The following PCCA variants were observed in gnomAD, a reference collection of about 807,000 sequenced individuals.
PCCA encodes propionyl-CoA carboxylase alpha chain, mitochondrial.
A neutral mutation model predicts 101.3 loss-of-function variants in PCCA; 74 were observed. That is an observed-to-expected ratio of 0.73 (90% CI 0.61 to 0.89). PCCA has a LOEUF of 0.89. Ranked by LOEUF, PCCA falls within the 40% of genes least tolerant of loss-of-function variation. The probability of loss-of-function intolerance (pLI) is 0.00; values close to 1 mark genes in which losing one functional copy is unlikely to be tolerated. For missense variants in PCCA, 891 were observed against 907.0 expected, an observed-to-expected ratio of 0.98 and a Z score of 0.23; for synonymous variants, 294 against 313.6, an observed-to-expected ratio of 0.94 and a Z score of 0.66.
At chr13:100,505,885 C>T (rs920769467) in intron 21 of PCCA, among the ~76,000 whole-genome samples, 1 of 150,566 alleles carries the variant, frequency 6.6e-6, no homozygotes, top group African/African-American at 2.4e-5. Context: ...AAAAATCCAC[C>T]ACTCTTTCAT....
intron 6 of PCCA, among the ~76,000 whole-genome samples, chr13:100,171,803 T>TCTTTG (rs1483274715): frequency 1.3e-5 from 2 of 151,912 alleles, no homozygotes; most frequent in African/African-American, 4.8e-5. Context: ...GAAGCCAAGG[T>TCTTTG]GGACAGATCA....
At chr13:100,164,938 A>G (rs1038001628) in intron 6 of PCCA, among the ~76,000 whole-genome samples, 3 of 152,126 alleles carry the variant, frequency 2.0e-5, no homozygotes, top group Non-Finnish European at 4.4e-5. Context: ...GTGGAATCAT[A>G]TAAGATTTGT....
chr13:100,380,012 A>G (rs1306192502), intron 19 of PCCA, among the ~76,000 whole-genome samples: 2 of 151,860 alleles, frequency 1.3e-5, no homozygotes, highest in African/African-American at 2.4e-5. Flanking sequence ...TAAGGGACCC[A>G]GAATAGCCAA....
intron 21 of PCCA, among the ~76,000 whole-genome samples, chr13:100,476,152 G>A (rs1368465745): frequency 6.6e-6 from 1 of 152,068 alleles, no homozygotes; most frequent in African/African-American, 2.4e-5. Flanking sequence ...TATAAGGAGA[G>A]GAAAAAAGAA....
intron 8 of PCCA, among the ~76,000 whole-genome samples, chr13:100,241,952 A>G (rs7987388): frequency 0.024 from 3,712 of 152,268 alleles, 163 homozygotes; most frequent in African/African-American, 0.085. Context: ...TTTTGGAGAT[A>G]CTAGCAAATT....
chr13:100,451,398 A>G (rs1194815092), intron 21 of PCCA, among the ~76,000 whole-genome samples: 2 of 152,186 alleles, frequency 1.3e-5, no homozygotes, highest in African/African-American at 4.8e-5. Context: ...TCATGCAATA[A>G]TAGATCTTGG....
intron 16 of PCCA, among the ~76,000 whole-genome samples, chr13:100,313,453 A>G (rs573019472): frequency 1.4e-4 from 21 of 152,320 alleles, no homozygotes; most frequent in African/African-American, 4.3e-4. Context: ...GCAGGGGGCC[A>G]GGGAGTGAGG....
chr13:100,502,567 A>G (rs928503508), intron 21 of PCCA, among the ~76,000 whole-genome samples: 16 of 152,236 alleles, frequency 1.1e-4, no homozygotes, highest in African/African-American at 3.6e-4. Context: ...TTAGACAGCT[A>G]TCATTTACAA....
chr13:100,345,824 C>T (rs2072116088), intron 18 of PCCA, among the ~76,000 whole-genome samples: 1 of 152,100 alleles, frequency 6.6e-6, no homozygotes, highest in South Asian at 2.1e-4. Context: ...AGCCAGTGCT[C>T]ATTTACCATT....
At chr13:100,198,202 C>T (rs957346707) in intron 6 of PCCA, 2 of 152,232 alleles carry the variant, frequency 1.3e-5, no homozygotes, top group African/African-American at 4.8e-5. Flanking sequence ...CTTTACAGAG[C>T]CGGTCTCCAT....
chr13:100,264,041 TATCTGTATATCGTATATATAC>T (rs1484059281), intron 10 of PCCA, among the ~76,000 whole-genome samples: 20 of 148,336 alleles, frequency 1.3e-4, no homozygotes, highest in Admixed American at 6.1e-4. Context: ...ATATATACGG[TATCTGTATATCGTATATATAC>T]GGTATCTGTA....
chr13:100,110,135 A>AAAAC (rs144754073), intron 2 of PCCA, among the ~76,000 whole-genome samples: 6 of 152,120 alleles, frequency 3.9e-5, no homozygotes, highest in Non-Finnish European at 5.9e-5. Flanking sequence ...TCCATCTCAA[A>AAAAC]AAACAAACAA....
At chr13:100,438,504 A>G (rs1248368860) in intron 20 of PCCA, among the ~76,000 whole-genome samples, 1 of 151,960 alleles carries the variant, frequency 6.6e-6, no homozygotes, top group East Asian at 1.9e-4. Context: ...TTCTGATTTT[A>G]TTTACTGTTT....
chr13:100,311,966 A>C (rs746006381), intron 16 of PCCA, among the ~76,000 whole-genome samples: 5 of 152,228 alleles, frequency 3.3e-5, no homozygotes, highest in Non-Finnish European at 7.3e-5. Flanking sequence ...CTGTAAAATT[A>C]AAGTATTAAT....
At chr13:100,142,491 T>C (rs2052002607) in intron 4 of PCCA, among the ~76,000 whole-genome samples, 1 of 151,582 alleles carries the variant, frequency 6.6e-6, no homozygotes, top group Admixed American at 6.6e-5. Flanking sequence ...TTTTTTTTTT[T>C]TGAGATGGAG....
At chr13:100,421,321 C>T (rs1427491666) in intron 19 of PCCA, among the ~76,000 whole-genome samples, 2 of 152,118 alleles carry the variant, frequency 1.3e-5, no homozygotes, top group African/African-American at 2.4e-5. Flanking sequence ...GCTATTCTGT[C>T]GCTCTTAAGC....
At chr13:100,382,198 C>G (rs1349556618) in intron 19 of PCCA, among the ~76,000 whole-genome samples, 5 of 151,976 alleles carry the variant, frequency 3.3e-5, no homozygotes, top group Admixed American at 3.3e-4. Context: ...ATTTTATTGC[C>G]GATGAAAGTG....
intron 19 of PCCA, among the ~76,000 whole-genome samples, chr13:100,411,171 A>G (rs2078028056): frequency 6.6e-6 from 1 of 151,916 alleles, no homozygotes; most frequent in Non-Finnish European, 1.5e-5. Flanking sequence ...GGCAGAAACC[A>G]TCTTAACCAG....
intron 4 of PCCA, among the ~76,000 whole-genome samples, chr13:100,130,445 T>C (rs569441447): frequency 1.3e-5 from 2 of 152,366 alleles, no homozygotes; most frequent in East Asian, 3.9e-4. Flanking sequence ...CTCAGATAAA[T>C]AGATATAAAT....
Sources: gnomAD v4.1 joint callset for allele counts (sites outside exome capture counted in the v4.1 genomes callset) on GRCh38, gnomAD v4.1.1 for gene constraint, MANE v1.5 for transcripts, NCBI Gene and HGNC (gene_info 2026-07-23, HGNC 2026-07-21) for gene names.